Variants in ELAPOR2 observed in about 807,000 individuals in gnomAD.
ELAPOR2 encodes endosome-lysosome associated apoptosis and autophagy regulator family member 2.
ELAPOR2 carries 89 observed loss-of-function variants against 120.7 expected under a neutral mutation model. That is an observed-to-expected ratio of 0.74 (90% CI 0.62 to 0.88). The LOEUF (loss-of-function observed/expected upper bound fraction) is 0.88, where lower values mean the gene tolerates loss of function less well. Ranked by LOEUF, ELAPOR2 falls within the 40% of genes least tolerant of loss-of-function variation. ELAPOR2 has a pLI of 0.00. For synonymous variants in ELAPOR2, 444 were observed against 444.9 expected (o/e 1.00, Z 0.03); for missense variants, 1,134 against 1,251.6 (o/e 0.91, Z 1.42).
chr7:86,932,041 A>T (rs181339002), intron 8 of ELAPOR2, among the ~76,000 whole-genome samples: 29 of 151,976 alleles, frequency 1.9e-4, no homozygotes, highest in African/African-American at 6.7e-4. Context: ...ATCCAATCAA[A>T]GTATCCAACA....
At chr7:86,995,535 A>G (rs1251720558) in intron 1 of ELAPOR2, among the ~76,000 whole-genome samples, 1 of 152,218 alleles carries the variant, frequency 6.6e-6, no homozygotes, top group Non-Finnish European at 1.5e-5. Context: ...TGGTTTTGCT[A>G]TTAATATAAC....
At chr7:87,059,150 T>A (rs1264642793) in intron 1 of ELAPOR2, among the ~76,000 whole-genome samples, 175 bp downstream of exon 1, 1 of 150,694 alleles carries the variant, frequency 6.6e-6, no homozygotes, top group Non-Finnish European at 1.5e-5. Flanking sequence ...CCACACACCC[T>A]CTCCGGGCCA....
At chr7:87,047,769 C>T in intron 1 of ELAPOR2, among the ~76,000 whole-genome samples, 1 of 152,110 alleles carries the variant, frequency 6.6e-6, no homozygotes, top group Non-Finnish European at 1.5e-5. Flanking sequence ...ATGATGTTTC[C>T]TCACAAAACT....
intron 1 of ELAPOR2, among the ~76,000 whole-genome samples, chr7:86,979,031 C>G (rs1562952891): frequency 6.6e-6 from 1 of 152,160 alleles, no homozygotes; most frequent in Non-Finnish European, 1.5e-5. Context: ...AGAGCCCATG[C>G]CTATGCAAAT....
Position 86,926,861 on chromosome 7 carries a change from T to C in ELAPOR2, c.1145A>G (p.Asp382Gly). The change falls in exon 9 of 22, where the codon GAT (aspartate) becomes GGT (glycine). Residue 382 changes from aspartate to glycine, a missense_variant. Physicochemically the swap from Asp to Gly is moderately conservative, Grantham distance 94. Around this residue, in one of 3 missense-constraint regions of ELAPOR2, gnomAD observed 831 missense variants for 867.6 expected, o/e 0.96. Transcript: ENST00000450689. ...TCCAGAAGGGGGCAATCTAATAGCA[T>C]CTGTGAGATCCTCCCGGCAGATTTT... ...EPKICREDLTDAIRLPPSGEK... is the reference protein window; with the variant it reads ...EPKICREDLTGAIRLPPSGEK... 1.2e-6 allele frequency: 2 copies of C among 1,602,008 alleles called. No homozygotes were observed. The highest frequency in any genetic ancestry group is 1.7e-6 in the Non-Finnish European group (2 of 1,175,520).
intron 1 of ELAPOR2, among the ~76,000 whole-genome samples, chr7:86,989,302 T>C (rs1792861199): frequency 6.6e-6 from 1 of 152,224 alleles, no homozygotes; most frequent in South Asian, 2.1e-4. Context: ...ACATACAAAA[T>C]ACGTGCATAT....
intron 1 of ELAPOR2, among the ~76,000 whole-genome samples, chr7:86,976,776 A>T (rs1017910611): frequency 8.5e-5 from 13 of 152,260 alleles, no homozygotes; most frequent in African/African-American, 3.1e-4. Context: ...ATCAAAAATC[A>T]CTTGGATATA....
chr7:87,057,404 C>G (rs1323408208), intron 1 of ELAPOR2, among the ~76,000 whole-genome samples: 3 of 152,236 alleles, frequency 2.0e-5, no homozygotes, highest in Non-Finnish European at 4.4e-5. Context: ...GAACTTCTAA[C>G]TCCCATTAGT....
chr7:86,915,912 T>C (rs1355489330), intron 12 of ELAPOR2, among the ~76,000 whole-genome samples: 3 of 152,074 alleles, frequency 2.0e-5, no homozygotes, highest in Non-Finnish European at 2.9e-5. Context: ...AAGCAGTTCA[T>C]AATATATTGA....
intron 2 of ELAPOR2, among the ~76,000 whole-genome samples, chr7:86,948,774 A>G (rs1424572662): frequency 6.6e-6 from 1 of 152,136 alleles, no homozygotes; most frequent in African/African-American, 2.4e-5. Flanking sequence ...AACAAATGCA[A>G]ATCAACATCC....
At chr7:86,986,947 A>G (rs1379113236) in intron 1 of ELAPOR2, among the ~76,000 whole-genome samples, 1 of 150,792 alleles carries the variant, frequency 6.6e-6, no homozygotes, top group African/African-American at 2.5e-5. Flanking sequence ...TTCAAACTGT[A>G]CTACAAGGCT....
At chr7:86,963,794 G>C (rs189848379) in intron 2 of ELAPOR2, among the ~76,000 whole-genome samples, 1 of 152,124 alleles carries the variant, frequency 6.6e-6, no homozygotes, top group African/African-American at 2.4e-5. Context: ...TCACACACTT[G>C]CATCAACTTC....
At chr7:86,977,085 C>T (rs1792307157) in intron 1 of ELAPOR2, among the ~76,000 whole-genome samples, 1 of 152,138 alleles carries the variant, frequency 6.6e-6, no homozygotes, top group African/African-American at 2.4e-5. Context: ...TGTCTCAAAT[C>T]TCAGTCAAGG....
At chr7:86,890,596 A>G (rs1052552018) in intron 21 of ELAPOR2, among the ~76,000 whole-genome samples, 5 of 151,980 alleles carry the variant, frequency 3.3e-5, no homozygotes, top group African/African-American at 1.2e-4. Context: ...TACTCTATGA[A>G]TACGAAACTG....
chr7:87,054,563 T>C (rs1018851975), intron 1 of ELAPOR2, among the ~76,000 whole-genome samples: 8 of 152,202 alleles, frequency 5.3e-5, no homozygotes, highest in Non-Finnish European at 1.2e-4. Flanking sequence ...GCTTCACCCA[T>C]AGCCCATGGC....
chr7:86,947,303 C>A (rs1366572098), intron 3 of ELAPOR2, among the ~76,000 whole-genome samples: 1 of 151,978 alleles, frequency 6.6e-6, no homozygotes, highest in African/African-American at 2.4e-5. Context: ...TAAGCAAAGG[C>A]GCTTTCCACC....
intron 1 of ELAPOR2, among the ~76,000 whole-genome samples, chr7:87,052,601 T>G (rs1034048549): frequency 2.0e-5 from 3 of 152,106 alleles, no homozygotes; most frequent in African/African-American, 7.2e-5. Flanking sequence ...TCTAACAACT[T>G]CCTAACTAAT....
At chr7:87,017,025 T>G (rs529714023) in intron 1 of ELAPOR2, among the ~76,000 whole-genome samples, 28 of 152,168 alleles carry the variant, frequency 1.8e-4, no homozygotes, top group Middle Eastern at 3.4e-3. Context: ...GTTGGAAAAA[T>G]AAATTAGAGA....
At chr7:86,909,183 C>CT (rs1469642285) in intron 16 of ELAPOR2, among the ~76,000 whole-genome samples, 1 of 151,978 alleles carries the variant, frequency 6.6e-6, no homozygotes, top group Non-Finnish European at 1.5e-5. Flanking sequence ...CCTCTGGAGT[C>CT]TATACTATAA....
Sources: allele counts gnomAD v4.1 joint callset (sites outside exome capture counted in the v4.1 genomes callset), GRCh38; gene constraint gnomAD v4.1.1; regional missense constraint gnomAD v4.1.1; transcripts MANE v1.5; gene names NCBI Gene and HGNC (gene_info 2026-07-23, HGNC 2026-07-21).